Variants in USP18 observed in about 807,000 individuals in gnomAD.
The protein encoded by USP18 is ubiquitin specific peptidase 18.
Under a neutral mutation model 48.7 loss-of-function variants are expected in USP18, and 11 were observed. That is an observed-to-expected ratio of 0.23 (90% CI 0.14 to 0.37). USP18 has a LOEUF of 0.37. Among genes scored for constraint, USP18 ranks in the 10% least tolerant of loss-of-function variants. USP18 has a pLI of 1.00. For missense variants in USP18, 285 were observed against 436.4 expected, an observed-to-expected ratio of 0.65 and a Z score of 3.09; for synonymous variants, 114 against 163.2, an observed-to-expected ratio of 0.70 and a Z score of 2.30.
At chr22:18,173,770 C>A in intron 9 of USP18, 23 bp from the exon 10 acceptor site, 1 of 1,606,302 alleles carries the variant, frequency 6.2e-7, no homozygotes. Flanking sequence ...GGCTGCTTGA[C>A]CCCATTTGTT....
At chr22:18,169,714 A>G in intron 6 of USP18, 130 bp from the exon 7 acceptor site, 1 of 1,160,156 alleles carries the variant, frequency 8.6e-7, no homozygotes. Flanking sequence ...CCATGGGCCA[A>G]TCAAACTTCT....
Position 18,161,892 on chromosome 22 carries a change from G to T in USP18, c.357G>T (p.Arg119=), listed in dbSNP as rs1169391376. The T allele has an allele frequency of 6.8e-6, 11 of 1,613,954 alleles. No individual in the cohort carries two copies. The highest frequency in any genetic ancestry group is 9.3e-6 in the Non-Finnish European group (11 of 1,179,998). The change falls in exon 4 of 11, where the codon CGG becomes CGT. Residue 119 remains arginine (R), a synonymous_variant. Transcript: ENST00000215794. ...KMQDSRQKAV[R]PLELAYCLQK... ...AGGACAGCCGGCAGAAAGCAGTGCG[G>T]CCCCTGGAGCTGGCCTACTGCCTGC...
intron 9 of USP18, among the ~76,000 whole-genome samples, chr22:18,173,557 G>T (rs1191366909): frequency 6.6e-6 from 1 of 152,174 alleles, no homozygotes; most frequent in East Asian, 1.9e-4. Context: ...AGAGAGCAAC[G>T]AGTGTTAGAA....
At chr22:18,160,865 G>A (rs969130890) in intron 3 of USP18, among the ~76,000 whole-genome samples, 11 of 150,778 alleles carry the variant, frequency 7.3e-5, no homozygotes, top group African/African-American at 2.7e-4. Context: ...CGCCTCCCGG[G>A]TTCAAGGGAT....
At chr22:18,168,557 A>G (rs5993033) in intron 6 of USP18, among the ~76,000 whole-genome samples, 61,285 of 151,720 alleles carry the variant, frequency 0.4, 13,416 homozygotes, top group African/African-American at 0.59. Context: ...CACCATGCCC[A>G]GCTAATTTCT....
intron 4 of USP18, among the ~76,000 whole-genome samples, chr22:18,162,871 C>A (rs1929367305): frequency 6.6e-6 from 1 of 151,360 alleles, no homozygotes; most frequent in Admixed American, 6.6e-5. Context: ...ATAAGCTTTC[C>A]ATCTCTTCTC....
chr22:18,156,094 C>T (rs889170273), intron 1 of USP18, among the ~76,000 whole-genome samples: 8 of 152,190 alleles, frequency 5.3e-5, no homozygotes, highest in Non-Finnish European at 8.8e-5. Context: ...ATGCACCAGT[C>T]GACCCTCTGA....
At chr22:18,164,716 T>C (rs1929429218) in intron 4 of USP18, among the ~76,000 whole-genome samples, 1 of 152,188 alleles carries the variant, frequency 6.6e-6, no homozygotes, top group African/African-American at 2.4e-5. Flanking sequence ...CTGGAAGTGC[T>C]CACGTGCCCG....
intron 8 of USP18, among the ~76,000 whole-genome samples, chr22:18,172,481 G>C (rs1298399312): frequency 6.6e-6 from 1 of 152,138 alleles, no homozygotes; most frequent in East Asian, 1.9e-4. Flanking sequence ...ACTTGCATTT[G>C]GTTAAGTTTC....
At chr22:18,168,302 C>T (rs940194774) in intron 6 of USP18, among the ~76,000 whole-genome samples, 11 of 152,104 alleles carry the variant, frequency 7.2e-5, no homozygotes, top group African/African-American at 2.7e-4. Context: ...CGTATGAAGC[C>T]ACCAGTCCCA....
At chr22:18,153,902 G>C (rs1929063153) in intron 1 of USP18, among the ~76,000 whole-genome samples, 1 of 151,908 alleles carries the variant, frequency 6.6e-6, no homozygotes, top group South Asian at 2.1e-4. Flanking sequence ...TCATTCTCTT[G>C]TAATGGCTGA....
At chr22:18,151,336 G>C (rs904558191) in intron 1 of USP18, among the ~76,000 whole-genome samples, 1 of 152,060 alleles carries the variant, frequency 6.6e-6, no homozygotes, top group Non-Finnish European at 1.5e-5. Flanking sequence ...TACTTATTTA[G>C]GTATAATTTG....
intron 1 of USP18, among the ~76,000 whole-genome samples, chr22:18,156,219 C>T (rs1023100768): frequency 6.6e-6 from 1 of 152,052 alleles, no homozygotes; most frequent in African/African-American, 2.4e-5. Flanking sequence ...TAAACACACC[C>T]ATCAGCACCC....
intron 10 of USP18, among the ~76,000 whole-genome samples, chr22:18,174,125 T>C (rs1297783553): frequency 6.6e-5 from 10 of 152,158 alleles, no homozygotes; most frequent in Non-Finnish European, 1.2e-4. Context: ...CTAGGCCAAC[T>C]CCCCACTCAT....
intron 5 of USP18, 139 bp downstream of exon 5, chr22:18,167,473 G>A (rs186754479): frequency 1.1e-4 from 116 of 1,028,128 alleles, no homozygotes; most frequent in African/African-American, 1.4e-4. Flanking sequence ...TGAGGCAGGC[G>A]GATCACGAGG....
intron 1 of USP18, among the ~76,000 whole-genome samples, chr22:18,156,773 T>C (rs996425209): frequency 1.3e-5 from 2 of 152,202 alleles, no homozygotes; most frequent in Non-Finnish European, 1.5e-5. Context: ...AGGAATAAAC[T>C]GCGGACATGC....
At chr22:18,151,282 C>A (rs541590024) in intron 1 of USP18, among the ~76,000 whole-genome samples, 1 of 152,268 alleles carries the variant, frequency 6.6e-6, no homozygotes, top group East Asian at 1.9e-4. Context: ...CCCTGAAAAT[C>A]TGGGTTCAAA....
intron 2 of USP18, among the ~76,000 whole-genome samples, chr22:18,158,450 G>T: frequency 6.6e-6 from 1 of 152,218 alleles, no homozygotes; most frequent in East Asian, 1.9e-4. Context: ...GTATGGGTCT[G>T]TCTGGAAGCA....
chr22:18,162,022 G>A (rs1929348274), intron 4 of USP18, 87 bp downstream of exon 4: 5 of 1,471,844 alleles, frequency 3.4e-6, no homozygotes, highest in Non-Finnish European at 4.5e-6. Flanking sequence ...AACGGGCAGT[G>A]AAGCAACAAG....
Sources: allele counts gnomAD v4.1 joint callset (sites outside exome capture counted in the v4.1 genomes callset), GRCh38; gene constraint gnomAD v4.1.1; transcripts MANE v1.5; gene names NCBI Gene and HGNC (gene_info 2026-07-23, HGNC 2026-07-21).